UNC5C: variants seen among roughly 807,000 people sequenced by gnomAD.
UNC5C encodes the protein netrin receptor UNC5C.
A neutral mutation model predicts 99.8 loss-of-function variants in UNC5C; 47 were observed. That is an observed-to-expected ratio of 0.47 (90% CI 0.37 to 0.60). The LOEUF (loss-of-function observed/expected upper bound fraction) is 0.60. Among genes scored for constraint, UNC5C ranks in the 20% least tolerant of loss-of-function variants. The pLI, the probability that UNC5C is intolerant of heterozygous loss-of-function variation, is 0.00. For missense variants in UNC5C, 1,062 were observed against 1,165.9 expected (o/e 0.91, Z 1.30); for synonymous variants, 487 against 452.2 (o/e 1.08, Z -0.98).
Position 95,527,214 on chromosome 4 carries a change from TTAG to T in UNC5C, c.124+21517_124+21519del, listed in dbSNP as rs1026452908. ...GCTGTCAATTTCAATTCCCAATATA[TTAG>T]TAACAACAAAAACGCATCACACACG... On this transcript the variant is annotated intron_variant, in intron 1 of 15. Transcript: ENST00000453304. 1.2e-3 allele frequency among the ~76,000 whole-genome samples: 178 copies of T among 152,216 alleles called. 1 individual carries two copies. Among genetic ancestry groups the T allele is most frequent in the Middle Eastern group, 0.01 (3 of 294 alleles).
intron 1 of UNC5C, among the ~76,000 whole-genome samples, chr4:95,394,809 T>C (rs773634636): frequency 7.5e-5 from 11 of 146,400 alleles, no homozygotes; most frequent in Non-Finnish European, 1.1e-4. Context: ...CTAGGATTGA[T>C]GAAAAAAATG....
intron 1 of UNC5C, among the ~76,000 whole-genome samples, chr4:95,429,605 G>T (rs1296358212): frequency 1.3e-5 from 2 of 152,078 alleles, no homozygotes; most frequent in African/African-American, 4.8e-5. Flanking sequence ...TCCATTTCGA[G>T]GTGTTTGTAT....
intron 1 of UNC5C, among the ~76,000 whole-genome samples, chr4:95,370,862 A>G (rs1303675148): frequency 6.6e-6 from 1 of 152,206 alleles, no homozygotes; most frequent in Non-Finnish European, 1.5e-5. Flanking sequence ...TATGTCATTC[A>G]AAAGAATACG....
At chr4:95,263,728 G>A (rs1288239609) in intron 4 of UNC5C, among the ~76,000 whole-genome samples, 1 of 152,162 alleles carries the variant, frequency 6.6e-6, no homozygotes, top group East Asian at 1.9e-4. Flanking sequence ...TCTACAACAA[G>A]AAAAGTAATA....
chr4:95,459,149 T>C (rs932233281), intron 1 of UNC5C, among the ~76,000 whole-genome samples: 1 of 152,170 alleles, frequency 6.6e-6, no homozygotes, highest in Non-Finnish European at 1.5e-5. Context: ...CTGTATATTT[T>C]CTTTGATTAG....
At chr4:95,183,681 C>T (rs1736710020) in intron 13 of UNC5C, among the ~76,000 whole-genome samples, 1 of 139,538 alleles carries the variant, frequency 7.2e-6, no homozygotes, top group Non-Finnish European at 1.6e-5. Context: ...AGAGCCTATC[C>T]TAGAATCTGT....
chr4:95,194,178 G>A (rs1165849656), intron 12 of UNC5C, among the ~76,000 whole-genome samples: 1 of 152,178 alleles, frequency 6.6e-6, no homozygotes, highest in East Asian at 1.9e-4. Context: ...GTGGTGCTCA[G>A]GCAAGCAGCG....
At chr4:95,219,810 T>C (rs1381255207) in intron 8 of UNC5C, among the ~76,000 whole-genome samples, 175 bp downstream of exon 8, 1 of 152,248 alleles carries the variant, frequency 6.6e-6, no homozygotes. Context: ...AGGATTTATC[T>C]TGTTAACTCT....
chr4:95,395,559 G>A (rs538395131), intron 1 of UNC5C, among the ~76,000 whole-genome samples: 2 of 152,192 alleles, frequency 1.3e-5, no homozygotes, highest in African/African-American at 4.8e-5. Context: ...TCATATCAAA[G>A]TTAAAAAGTC....
intron 1 of UNC5C, among the ~76,000 whole-genome samples, chr4:95,408,496 T>C (rs573746430): frequency 2.8e-4 from 42 of 152,322 alleles, no homozygotes; most frequent in African/African-American, 9.6e-4. Context: ...GAATTGCTCA[T>C]CTTCTGTATG....
intron 13 of UNC5C, 55 bp from the exon 14 acceptor site, chr4:95,183,116 C>G: frequency 6.5e-7 from 1 of 1,535,992 alleles, no homozygotes; most frequent in Non-Finnish European, 8.9e-7. Context: ...AAAAATAACT[C>G]TCAGATGGTC....
Position 95,250,472 on chromosome 4 carries a change from T to C in UNC5C, c.775+15A>G, listed in dbSNP as rs767187644. ...TTAAACATGAACTAGATTGAGACCC[T>C]GAAGGGCCACTCACCATAGACTATG... On this transcript the variant is annotated intron_variant, in intron 5 of 15. Coordinates refer to ENST00000453304, the MANE Select transcript of UNC5C (RefSeq NM_003728.4). The C allele has an allele frequency of 6.2e-7, 1 of 1,611,710 alleles. No individual in the cohort carries two copies. Among genetic ancestry groups the C allele is most frequent in the South Asian group, 1.1e-5 (1 of 90,540 alleles).
intron 1 of UNC5C, among the ~76,000 whole-genome samples, chr4:95,428,534 G>A: frequency 6.6e-6 from 1 of 152,116 alleles, no homozygotes. Context: ...AATGTGGAGT[G>A]TACAGATGCT....
chr4:95,314,479 C>T (rs1259642735), intron 2 of UNC5C, among the ~76,000 whole-genome samples: 1 of 152,190 alleles, frequency 6.6e-6, no homozygotes, highest in African/African-American at 2.4e-5. Context: ...ACAATGCTTG[C>T]ACAGCTCCTC....
At chr4:95,256,197 G>A (rs1739972912) in intron 4 of UNC5C, among the ~76,000 whole-genome samples, 2 of 151,862 alleles carry the variant, frequency 1.3e-5, no homozygotes, top group Admixed American at 6.6e-5. Flanking sequence ...TCCTTGGTGA[G>A]CTCATCCAGT....
In UNC5C at chr4:95,242,461, G is replaced by T. The variant is rs1435183834; in HGVS notation, c.1076C>A (p.Ser359Tyr). The change falls in exon 7 of 16, where the codon TCC becomes TAC. Residue 359 changes from serine to tyrosine, a missense_variant. Physicochemically the swap from Ser to Tyr is moderately radical, Grantham distance 144. This residue lies in a region of UNC5C where 810 missense variants were observed against 854.5 expected (regional missense o/e 0.95). Coordinates refer to ENST00000453304, the MANE Select transcript of UNC5C (RefSeq NM_003728.4). ...GKDCDGLVLQ[S>Y]KNCTDGLCMQ... ...GCAAAGCCCATCAGTGCAGTTCTTG[G>T]ATTGCAAGACGAGGCCGTCGCAGTC... 6.2e-7 allele frequency: 1 copy of T among 1,613,758 alleles called. No individual in the cohort carries two copies. Among genetic ancestry groups the T allele is most frequent in the African/African-American group, 1.3e-5 (1 of 74,874 alleles).
intron 1 of UNC5C, among the ~76,000 whole-genome samples, chr4:95,405,614 G>C (rs537622577): frequency 1.3e-5 from 2 of 152,128 alleles, no homozygotes; most frequent in Non-Finnish European, 2.9e-5. Flanking sequence ...AGAAATATAA[G>C]GGGTTTATTA....
chr4:95,486,986 C>T (rs1307089643), intron 1 of UNC5C, among the ~76,000 whole-genome samples: 2 of 151,838 alleles, frequency 1.3e-5, no homozygotes, highest in Admixed American at 1.3e-4. Flanking sequence ...ACCACACATT[C>T]ATATCTTGCT....
chr4:95,303,776 A>C (rs186295461), intron 2 of UNC5C, among the ~76,000 whole-genome samples: 1 of 152,234 alleles, frequency 6.6e-6, no homozygotes, highest in Non-Finnish European at 1.5e-5. Context: ...CATATATGAT[A>C]TATAAAATAG....
Sources: allele counts gnomAD v4.1 joint callset (sites outside exome capture counted in the v4.1 genomes callset), GRCh38; gene constraint gnomAD v4.1.1; regional missense constraint gnomAD v4.1.1; transcripts MANE v1.5; gene names NCBI Gene and HGNC (gene_info 2026-07-23, HGNC 2026-07-21).